CARF: variants seen among roughly 807,000 people sequenced by gnomAD.
CARF encodes calcium responsive transcription factor, also known as calcium-responsive transcription factor.
CARF carries 57 observed loss-of-function variants against 82.0 expected under a neutral mutation model. The observed-to-expected ratio is 0.70, with a 90% CI of 0.56 to 0.87. The LOEUF (loss-of-function observed/expected upper bound fraction) is 0.87, where lower values mean the gene tolerates loss of function less well. Ranked by LOEUF, CARF falls within the 40% of genes least tolerant of loss-of-function variation. CARF has a pLI of 0.00. For synonymous variants in CARF, 268 were observed against 290.1 expected, an observed-to-expected ratio of 0.92 and a Z score of 0.77; for missense variants, 771 against 855.8, an observed-to-expected ratio of 0.90 and a Z score of 1.24.
At chr2:202,974,278 C>G in intron 12 of CARF, 56 bp from the exon 13 acceptor site, 3 of 1,277,928 alleles carry the variant, frequency 2.3e-6, no homozygotes, top group Admixed American at 2.8e-5. Context: ...GTCTTTTGAT[C>G]TAAAGGCATA....
At chr2:202,931,023 G>A (rs1692841640) in intron 3 of CARF, among the ~76,000 whole-genome samples, 1 of 130,716 alleles carries the variant, frequency 7.7e-6, no homozygotes. Context: ...TGCCCAGGCT[G>A]GAGTGCAATG....
chr2:202,983,217 G>A (rs1423578152), intron 16 of CARF, among the ~76,000 whole-genome samples: 1 of 152,148 alleles, frequency 6.6e-6, no homozygotes, highest in East Asian at 1.9e-4. Context: ...AGTTGAAAGG[G>A]AACTAGTAAG....
At chr2:202,960,743 C>T (rs1458866225) in intron 8 of CARF, among the ~76,000 whole-genome samples, 17 of 150,524 alleles carry the variant, frequency 1.1e-4, no homozygotes, top group African/African-American at 3.7e-4. Flanking sequence ...CCCGCCTTCC[C>T]GCCTTCCTGC....
At chr2:202,920,194 G>A (rs1035764456) in intron 2 of CARF, among the ~76,000 whole-genome samples, 3 of 146,564 alleles carry the variant, frequency 2.0e-5, no homozygotes, top group East Asian at 4.0e-4. Flanking sequence ...TCGCTCTGTC[G>A]CCCAGGCTGG....
At chr2:202,959,743 A>T (rs2059220377) in intron 8 of CARF, among the ~76,000 whole-genome samples, 1 of 152,082 alleles carries the variant, frequency 6.6e-6, no homozygotes, top group African/African-American at 2.4e-5. Flanking sequence ...CGGGAGATGA[A>T]GGTTGCAGTG....
Position 202,912,427 on chromosome 2 carries a change from C to G in CARF, c.-1005C>G, listed in dbSNP as rs1487505241. The G allele has an allele frequency of 1.4e-5, 2 of 146,042 alleles. No individual in the cohort carries two copies. Among genetic ancestry groups the G allele is most frequent in the African/African-American group, 5.0e-5 (2 of 39,848 alleles). 9.0% of individuals were successfully genotyped at this position (146,042 alleles called of 1,614,324 possible). ...CGGCAGGACTGGGGGAGTCAGAGGT[C>G]TGGCAGCGCTGTCTGCGCAGACCTA... is the stretch of plus-strand genomic sequence containing the variant. On this transcript the variant is annotated 5_prime_UTR_variant, in exon 1 of 17. Transcript: ENST00000438828.
chr2:202,920,492 T>TTATATTTTAAAA lies in CARF; in HGVS notation c.-163+2450_-163+2461dup, dbSNP rs1219938418. ...CTTAATTGATCTATCATAATAGTGC[T>TTATATTTTAAAA]TATATTTTAAAAGTCAAAGAGCTCT... On this transcript the variant is annotated intron_variant, in intron 2 of 16. Coordinates refer to ENST00000438828, the MANE Select transcript of CARF (RefSeq NM_024744.17). 1.5e-4 allele frequency among the ~76,000 whole-genome samples: 23 copies of TTATATTTTAAAA among 152,314 alleles called. No individual in the cohort carries two copies. The South Asian group carries it at 4.8e-3, about 32-fold the overall frequency.
intron 2 of CARF, among the ~76,000 whole-genome samples, chr2:202,922,011 A>G (rs1453741268): frequency 4.0e-5 from 6 of 151,566 alleles, no homozygotes; most frequent in Admixed American, 2.6e-4. Flanking sequence ...TTTTTTTTCA[A>G]TAGAGACAGA....
intron 3 of CARF, chr2:202,938,227 A>G (rs1694261338): frequency 6.6e-6 from 1 of 152,038 alleles, no homozygotes; most frequent in African/African-American, 2.4e-5. Flanking sequence ...CATTGATTGT[A>G]AACTCTCAGT....
In CARF at chr2:202,982,249, A is replaced by T. The variant is rs1369939183; in HGVS notation, c.1867A>T (p.Thr623Ser). The change falls in exon 16 of 17, where the codon ACC (threonine) becomes TCC (serine). Residue 623 changes from threonine (T) to serine (S), a missense_variant. Thr to Ser is a moderately conservative substitution (Grantham distance 58). Transcript: ENST00000438828. ...SHSLQRDTCLTQNNSTASTMG... is the reference protein window; with the variant it reads ...SHSLQRDTCLSQNNSTASTMG... ...TAGCCTTCAAAGAGATACATGCTTA[A>T]CCCAAAACAATAGTACTGCCTCCAC... 1.2e-6 allele frequency: 2 copies of T among 1,614,150 alleles called. No individual in the cohort carries two copies. Among genetic ancestry groups the T allele is most frequent in the East Asian group, 4.5e-5 (2 of 44,864 alleles).
Position 202,964,953 on chromosome 2 carries a change from A to C in CARF, c.833-2025A>C, listed in dbSNP as rs575062845. 2.0e-5 allele frequency among the ~76,000 whole-genome samples: 3 copies of C among 151,210 alleles called. 1 individual carries two copies. Among genetic ancestry groups the C allele is most frequent in the Admixed American group, 1.3e-4 (2 of 15,136 alleles). ...TCCTGTGATCACACTTAATAAGAAA[A>C]TTAACAGTAACTTTGTAATGTTATA... On this transcript the variant is annotated intron_variant, in intron 9 of 16. Coordinates refer to ENST00000438828, the MANE Select transcript of CARF (RefSeq NM_024744.17).
At chr2:202,961,819 T>C (rs1389978630) in intron 9 of CARF, 1 of 266,618 alleles carries the variant, frequency 3.8e-6, no homozygotes, top group East Asian at 9.1e-5. Context: ...GTCTATTTTA[T>C]GTAGCTTGTA....
intron 3 of CARF, among the ~76,000 whole-genome samples, chr2:202,936,510 A>G (rs1487668839): frequency 6.6e-6 from 1 of 152,160 alleles, no homozygotes; most frequent in African/African-American, 2.4e-5. Flanking sequence ...ATTTTATGTA[A>G]ATAGAATCAT....
At chr2:202,944,606 T>C (rs2058401029) in intron 5 of CARF, among the ~76,000 whole-genome samples, 1 of 152,196 alleles carries the variant, frequency 6.6e-6, no homozygotes, top group South Asian at 2.1e-4. Flanking sequence ...TTTTTGTTTA[T>C]GTTCAGGTTT....
At chr2:202,937,200 T>C (rs1270928978) in intron 3 of CARF, among the ~76,000 whole-genome samples, 1 of 152,216 alleles carries the variant, frequency 6.6e-6, no homozygotes, top group Non-Finnish European at 1.5e-5. Context: ...GATTTTGATA[T>C]ATTGTGCATA....
intron 14 of CARF, among the ~76,000 whole-genome samples, chr2:202,977,909 G>A (rs745713067): frequency 3.3e-4 from 50 of 152,120 alleles, no homozygotes; most frequent in Non-Finnish European, 6.2e-4. Context: ...GCAGTGGTGC[G>A]TTCTCGGCTC....
At chr2:202,933,856 T>C (rs1693425113) in intron 3 of CARF, among the ~76,000 whole-genome samples, 1 of 120,376 alleles carries the variant, frequency 8.3e-6, no homozygotes, top group Admixed American at 8.5e-5. Context: ...GCTTTTCTTT[T>C]CTTTCCTTTC....
intron 8 of CARF, 121 bp downstream of exon 8, chr2:202,955,879 A>C: frequency 1.7e-6 from 1 of 587,514 alleles, no homozygotes; most frequent in Non-Finnish European, 2.9e-6. Flanking sequence ...GTTTGTGTTT[A>C]TGTTAAATCT....
At chr2:202,918,065 A>G (rs1385173108) in intron 2 of CARF, 22 bp downstream of exon 2, 1 of 445,762 alleles carries the variant, frequency 2.2e-6, no homozygotes, top group African/African-American at 2.0e-5. Context: ...TAACTAATTG[A>G]AAGTAACAAC....
Sources: gnomAD v4.1 joint callset for allele counts (sites outside exome capture counted in the v4.1 genomes callset) on GRCh38, gnomAD v4.1.1 for gene constraint, MANE v1.5 for transcripts, NCBI Gene and HGNC (gene_info 2026-07-23, HGNC 2026-07-21) for gene names.